Variants in TTN observed in about 807,000 individuals in gnomAD.
TTN encodes the protein connectin.
Under a neutral mutation model 3,223.0 loss-of-function variants are expected in TTN, and 1,525 were observed. That is an observed-to-expected ratio of 0.47 (90% confidence interval 0.45 to 0.49). The LOEUF is 0.49. TTN is among the 20% of genes least tolerant of loss of function. TTN has a pLI of 0.00. For missense variants in TTN, 40,786 were observed against 43,424.0 expected, an observed-to-expected ratio of 0.94 and a Z score of 5.40; for synonymous variants, 14,094 against 15,161.0, an observed-to-expected ratio of 0.93 and a Z score of 5.17.
At position 178,730,294 on chromosome 2, in the gene TTN, C is replaced by A; in HGVS notation, c.18106G>T (p.Gly6036Cys). The change falls in exon 62 of 363, where the codon GGT becomes TGT. Residue 6036 changes from glycine to cysteine, a missense_variant. By Grantham distance (159) the Gly-to-Cys change is radical. Transcript: ENST00000589042. ...NTRVQLKALVGGTAPMTIKWF... is the reference protein window; with the variant it reads ...NTRVQLKALVCGTAPMTIKWF... ...TTTATTGTCATGGGTGCAGTGCCAC[C>A]CACAAGAGCCTTTAACTGTACCCTT... is the stretch of plus-strand genomic sequence containing the variant. 1 of 1,611,984 alleles carries A rather than the reference C, an allele frequency of 6.2e-7. No individual in the cohort carries two copies. Among genetic ancestry groups the A allele is most frequent in the Non-Finnish European group, 8.5e-7 (1 of 1,179,012 alleles).
rs777321365 is a variant in TTN, at chr2:178,694,846, T to A, written c.31331A>T (p.Lys10444Ile). ...AATAATACCTTTGGTGACTTGAACT[T>A]TTTCTTCCTCCATTCTTCGAGAAGT... ...EKTSRRMEEE[K>I]VQVTKVPEVS... Residue 10444 changes from lysine (K) to isoleucine (I), a missense_variant, in exon 116 of 363, where the codon AAA (lysine) becomes ATA (isoleucine). Lys to Ile is a moderately radical substitution (Grantham distance 102, BLOSUM62 -3). Transcript: ENST00000589042. The A allele has an allele frequency of 3.2e-5, 50 of 1,559,108 alleles. No homozygotes were observed. Among genetic ancestry groups the A allele is most frequent in the Non-Finnish European group, 1.2e-5 (14 of 1,149,836 alleles).
chr2:178,652,960 A>T, intron 199 of TTN, 29 bp from the exon 200 acceptor site: 1 of 1,602,278 alleles, frequency 6.2e-7, no homozygotes, highest in Non-Finnish European at 8.5e-7. Context: ...AATTACATTT[A>T]GAAGTTTGAA....
Position 178,550,145 on chromosome 2 carries a change from C to T in TTN, c.91693G>A (p.Val30565Met). ...VPRVTWFKDG[V>M]EIEKRMNMEI... is the part of the protein sequence containing the mutation. ...ATATTCATCCTCTTTTCGATTTCCACTCCATCTTTGAACCAAGTTACTCGA... is the reference window on the plus strand; with the variant it reads ...ATATTCATCCTCTTTTCGATTTCCATTCCATCTTTGAACCAAGTTACTCGA... Residue 30565 changes from valine (V) to methionine (M), a missense_variant, in exon 337 of 363, where the codon GTG becomes ATG. Physicochemically the swap from Val to Met is conservative, Grantham distance 21 (BLOSUM62 1). Transcript: ENST00000589042. 6.2e-7 allele frequency: 1 copy of T among 1,613,778 alleles called. No individual in the cohort carries two copies.
intron 67 of TTN, 94 bp downstream of exon 67, chr2:178,728,016 T>C: frequency 7.0e-7 from 1 of 1,432,628 alleles, no homozygotes; most frequent in Admixed American, 2.8e-5. Flanking sequence ...ACCAGAATCA[T>C]AGAGATTTTA....
rs2085962269 is a variant in TTN at position 178,752,991 on chromosome 2, A to G, written c.11311+133T>C. On this transcript the variant is annotated intron_variant, in intron 47 of 362. Coordinates refer to ENST00000589042, the MANE Select transcript of TTN (RefSeq NM_001267550.2). ...TAAACCAAGCATGCGACATAGTAAT[A>G]TATACTCTAAGAGATATATTTGTAT... 7.9e-6 allele frequency: 5 copies of G among 633,918 alleles called. No homozygotes were observed. In the South Asian group the frequency reaches 1.3e-4, roughly 16 times the overall value. 39.3% of individuals were successfully genotyped at this position (633,918 alleles called of 1,614,324 possible).
chr2:178,715,082 T>C lies in TTN; in HGVS notation c.26104A>G (p.Ile8702Val), dbSNP rs1560608555. 2 of 1,613,764 alleles carry C rather than the reference T, an allele frequency of 1.2e-6. No individual in the cohort carries two copies. Among genetic ancestry groups the C allele is most frequent in the Non-Finnish European group, 1.7e-6 (2 of 1,179,706 alleles). ...ATGTCTGCAGCATCGACATTCAGGATGTGGATACTGGTTAGGAAGTTCTCA... is the reference window on the plus strand; with the variant it reads ...ATGTCTGCAGCATCGACATTCAGGACGTGGATACTGGTTAGGAAGTTCTCA... Reference protein sequence around the residue: ...MSENFLTSIHILNVDAADIGE... With the variant: ...MSENFLTSIHVLNVDAADIGE... The change falls in exon 90 of 363, where the codon ATC becomes GTC. Residue 8702 changes from isoleucine (I) to valine (V), a missense_variant. By Grantham distance (29) the Ile-to-Val change is conservative (BLOSUM62 3). Coordinates refer to ENST00000589042, the MANE Select transcript of TTN (RefSeq NM_001267550.2).
chr2:178,536,359 T>C lies in TTN; in HGVS notation c.100388A>G (p.Tyr33463Cys), dbSNP rs780864416. 1.9e-6 allele frequency: 3 copies of C among 1,613,674 alleles called. No individual in the cohort carries two copies. Among genetic ancestry groups the C allele is most frequent in the African/African-American group, 2.7e-5 (2 of 74,928 alleles). Residue 33463 changes from tyrosine to cysteine, a missense_variant, in exon 357 of 363, where the codon TAC becomes TGC. Physicochemically the swap from Tyr to Cys is radical, Grantham distance 194. Coordinates refer to ENST00000589042, the MANE Select transcript of TTN (RefSeq NM_001267550.2). The stretch of plus-strand genomic sequence containing the variant: ...ATTTTCACATTTCACACGAAACTCG[T>C]ATTCAAGACCTTCAATAAGGTTTTT... ...SVKNLIEGLE[Y>C]EFRVKCENLG...
At position 178,779,138 on chromosome 2, in the gene TTN, T is replaced by G; in HGVS notation, c.3964-20A>C. 6.2e-7 allele frequency: 1 copy of G among 1,613,510 alleles called. No individual in the cohort carries two copies. The highest frequency in any genetic ancestry group is 8.5e-7 in the Non-Finnish European group (1 of 1,179,860). The stretch of plus-strand genomic sequence containing the variant: ...AGCAATCTGCAAAGAATACCATGCA[T>G]GTATGAATAAAATTTACATCAAATA... On this transcript the variant is annotated intron_variant, in intron 23 of 362. Transcript: ENST00000589042.
rs2061551816 is a variant in TTN, at chr2:178,643,895, TGATA to T, written c.40477+649_40477+652del. On this transcript the variant is annotated intron_variant, in intron 218 of 362. Transcript: ENST00000589042. ...CCATTAGAAAAATTATGTTTATTTT[TGATA>T]GATGTTTTCTAGACTCTTATAATTC... Among the ~76,000 whole-genome samples, 3 of 152,022 alleles carry T rather than the reference TGATA, an allele frequency of 2.0e-5. No homozygotes were observed. In the South Asian group the frequency reaches 6.2e-4, roughly 31 times the overall value.
At position 178,728,475 on chromosome 2, in the gene TTN, A is replaced by G. The variant is rs1293348553; in HGVS notation, c.19426+25T>C. On this transcript the variant is annotated intron_variant, in intron 66 of 362. Coordinates refer to ENST00000589042, the MANE Select transcript of TTN (RefSeq NM_001267550.2). ...CAAAGGACATACTATAAATAAGGGA[A>G]GCTGACTGGGGTGAAGATACAAACC... The G allele has an allele frequency of 4.4e-6, 7 of 1,592,050 alleles. No individual in the cohort carries two copies. In the African/African-American group the frequency reaches 9.4e-5, roughly 21 times the overall value.
In TTN at chr2:178,588,634, C is replaced by A; in HGVS notation, c.63091G>T (p.Asp21031Tyr). 1 of 1,605,244 alleles carries A rather than the reference C, an allele frequency of 6.2e-7. No individual in the cohort carries two copies. Among genetic ancestry groups the A allele is most frequent in the South Asian group, 1.1e-5 (1 of 89,002 alleles). The change falls in exon 304 of 363, where the codon GAC becomes TAC. Residue 21031 changes from aspartate (D) to tyrosine (Y), a missense_variant. Coordinates refer to ENST00000589042, the MANE Select transcript of TTN (RefSeq NM_001267550.2). ...TTGACACGGAACTGATATTCATGGT[C>A]TGGGAGGAGATTCTGTACTTTCATA... is the stretch of plus-strand genomic sequence containing the variant. ...RRMKVQNLLPDHEYQFRVKAE... is the reference protein window; with the variant it reads ...RRMKVQNLLPYHEYQFRVKAE...
rs75976915 is a variant in TTN at position 178,651,163 on chromosome 2, G to A, written c.39625+80C>T. 4.2e-3 allele frequency: 5,050 copies of A among 1,199,448 alleles called. 237 individuals are homozygous for A. The East Asian group carries it at 0.1, about 24-fold the overall frequency. The allele number at this position is 1,199,448 out of a possible 1,614,324, so 74.3% of individuals were successfully genotyped here. A position where few individuals can be genotyped will look rare whatever the true frequency, so the allele number is the denominator to read the frequency against. On this transcript the variant is annotated intron_variant, in intron 208 of 362. Transcript: ENST00000589042. Reference sequence around the variant, plus strand: ...TGTAGTTGCAAATTTAAGAGGACTCGCAAACAAAAGGTTTGATAATAGGTG... The same window carrying A: ...TGTAGTTGCAAATTTAAGAGGACTCACAAACAAAAGGTTTGATAATAGGTG...
chr2:178,544,648 ATAT>A (rs1180470796), intron 344 of TTN, 142 bp from the exon 345 acceptor site: 2 of 643,272 alleles, frequency 3.1e-6, no homozygotes, highest in Admixed American at 2.9e-5. Flanking sequence ...TGGGCTCCTG[ATAT>A]TATAGGACAG....
chr2:178,640,057 G>T lies in TTN; in HGVS notation c.40777C>A (p.Pro13593Thr). 1 of 1,612,120 alleles carries T rather than the reference G, an allele frequency of 6.2e-7. No homozygotes were observed. The highest frequency in any genetic ancestry group is 1.1e-5 in the South Asian group (1 of 90,950). ...GGATAAGCTTGCTCACCTGCTTCGG[G>T]CTTTGGTTTCGGTTCAGGTGCAGGG... Reference protein sequence around the residue: ...PLPAPEPKPKPEAEVKTIKPP... With the variant: ...PLPAPEPKPKTEAEVKTIKPP... The change falls in exon 222 of 363, where the codon CCC becomes ACC. Residue 13593 changes from proline (P) to threonine (T), a missense_variant. Transcript: ENST00000589042.
intron 223 of TTN, 33 bp from the exon 224 acceptor site, chr2:178,637,452 CT>C (rs771373874): frequency 5.1e-6 from 7 of 1,377,618 alleles, no homozygotes; most frequent in Middle Eastern, 1.8e-4. Flanking sequence ...CATTTAAACA[CT>C]TTTCGGACTT....
chr2:178,675,735 T>C lies in TTN; in HGVS notation c.34473A>G (p.Lys11491=), dbSNP rs1218273224. The C allele has an allele frequency of 3.5e-6, 5 of 1,437,648 alleles. No homozygotes were observed. Among genetic ancestry groups the C allele is most frequent in the Non-Finnish European group, 4.5e-6 (5 of 1,104,538 alleles). The allele number at this position is 1,437,648 out of a possible 1,614,324, so 89.1% of individuals were successfully genotyped here. A position where few individuals can be genotyped will look rare whatever the true frequency, so the allele number is the denominator to read the frequency against. ...PPAKVSVVPK[K]PEPEKKVPPP... The stretch of plus-strand genomic sequence containing the variant: ...GAGGGACCTTCTTTTCTGGCTCAGG[T>C]TTCTTAGGTACCACAGACACTTTAA... The change falls in exon 149 of 363, where the codon AAA becomes AAG. Residue 11491 remains lysine, a synonymous_variant. Coordinates refer to ENST00000589042, the MANE Select transcript of TTN (RefSeq NM_001267550.2).
chr2:178,547,687 G>C lies in TTN; in HGVS notation c.93939C>G (p.Thr31313=), dbSNP rs771653811. 12 of 1,613,886 alleles carry C rather than the reference G, an allele frequency of 7.4e-6. No individual in the cohort carries two copies. The highest frequency in any genetic ancestry group is 2.2e-5 in the East Asian group (1 of 44,868). The change falls in exon 339 of 363, where the codon ACC becomes ACG. Residue 31313 remains threonine, a synonymous_variant. Coordinates refer to ENST00000589042, the MANE Select transcript of TTN (RefSeq NM_001267550.2). ...VVVIGRPGPV[T]GPIEVSSVSA... ...AGACAGATGAGACCTCAATGGGGCCGGTTACTGGACCTGGCCTTCCAATGA... is the reference window on the plus strand; with the variant it reads ...AGACAGATGAGACCTCAATGGGGCCCGTTACTGGACCTGGCCTTCCAATGA...
Position 178,725,962 on chromosome 2 carries a change from G to A in TTN, c.20360C>T (p.Thr6787Ile). 6.2e-7 allele frequency: 1 copy of A among 1,611,532 alleles called. No individual in the cohort carries two copies. The highest frequency in any genetic ancestry group is 8.5e-7 in the Non-Finnish European group (1 of 1,178,590). ...GTACCATACCACCTCAAACGGTGGT[G>A]TTCCCGAAAGTTCACATTCAAGACT... Reference protein sequence around the residue: ...EVSLECELSGTPPFEVVWYKD... With the variant: ...EVSLECELSGIPPFEVVWYKD... The change falls in exon 70 of 363, where the codon ACA (threonine) becomes ATA (isoleucine). Residue 6787 changes from threonine to isoleucine, a missense_variant. Coordinates refer to ENST00000589042, the MANE Select transcript of TTN (RefSeq NM_001267550.2).
At position 178,730,950 on chromosome 2, in the gene TTN, G is replaced by A. The variant is rs2154308713; in HGVS notation, c.17715C>T (p.Ser5905=). 2 of 1,608,970 alleles carry A rather than the reference G, an allele frequency of 1.2e-6. No individual in the cohort carries two copies. Among genetic ancestry groups the A allele is most frequent in the African/African-American group, 2.7e-5 (2 of 74,812 alleles). ...FEVQNDVGRS[S]CKARINVLDL... ...CTAATACATTAATTCTAGCCTTGCAGCTGCTCCTCCCAACATCATTTTGGA... is the reference window on the plus strand; with the variant it reads ...CTAATACATTAATTCTAGCCTTGCAACTGCTCCTCCCAACATCATTTTGGA... Residue 5905 remains serine, a synonymous_variant, in exon 60 of 363, where the codon AGC becomes AGT. Coordinates refer to ENST00000589042, the MANE Select transcript of TTN (RefSeq NM_001267550.2).
Sources: gnomAD v4.1 joint callset for allele counts (sites outside exome capture counted in the v4.1 genomes callset) on GRCh38, gnomAD v4.1.1 for gene constraint, MANE v1.5 for transcripts, NCBI Gene and HGNC (gene_info 2026-07-23, HGNC 2026-07-21) for gene names.